The following ZEB1 variants were observed in gnomAD, a reference collection of about 807,000 sequenced individuals.
ZEB1 encodes zinc finger E-box-binding homeobox 1.
ZEB1 carries 21 observed loss-of-function variants against 84.9 expected under a neutral mutation model. That is an observed-to-expected ratio of 0.25 (90% CI 0.18 to 0.36). The LOEUF (loss-of-function observed/expected upper bound fraction) is 0.36. Ranked by LOEUF, ZEB1 falls within the 10% of genes least tolerant of loss-of-function variation. ZEB1 has a pLI of 1.00. For synonymous variants in ZEB1, 420 were observed against 471.1 expected (o/e 0.89, Z 1.41); for missense variants, 1,104 against 1,330.2 (o/e 0.83, Z 2.65).
At position 31,401,385 on chromosome 10, in the gene ZEB1, G is replaced by T. The variant is rs530661212; in HGVS notation, c.59-59652G>T. Among the ~76,000 whole-genome samples the T allele has an allele frequency of 2.9e-4, 44 of 152,318 alleles. 1 individual carries two copies. The highest frequency in any genetic ancestry group is 9.9e-4 in the African/African-American group (41 of 41,574). ...ATGGAATTGTGATCTCCAAGTTAAT[G>T]TGAAGTGGTAGAAGGAGGATTATCT... On this transcript the variant is annotated intron_variant, in intron 1 of 8. Coordinates refer to ENST00000424869, the MANE Select transcript of ZEB1 (RefSeq NM_001174096.2).
chr10:31,445,131 G>A (rs368366130), intron 1 of ZEB1, among the ~76,000 whole-genome samples: 9,705 of 117,380 alleles, frequency 0.083, 1,363 homozygotes, highest in African/African-American at 0.38. Flanking sequence ...GGTCCTTCAC[G>A]TCCCTTGTAA....
intron 1 of ZEB1, among the ~76,000 whole-genome samples, chr10:31,347,544 T>C (rs116207815): frequency 0.016 from 2,506 of 152,178 alleles, 52 homozygotes; most frequent in African/African-American, 0.055. Flanking sequence ...AAAACACTTA[T>C]TTAGCATACA....
At chr10:31,421,014 G>A (rs952672967) in intron 1 of ZEB1, among the ~76,000 whole-genome samples, 2 of 152,096 alleles carry the variant, frequency 1.3e-5, no homozygotes, top group South Asian at 4.1e-4. Flanking sequence ...CTAAGAGCAG[G>A]CACTTTTTTC....
At chr10:31,483,605 G>A (rs919380573) in intron 2 of ZEB1, among the ~76,000 whole-genome samples, 2 of 151,780 alleles carry the variant, frequency 1.3e-5, no homozygotes, top group Non-Finnish European at 2.9e-5. Flanking sequence ...GGTAGAATCC[G>A]GTAATTACTA....
Position 31,520,014 on chromosome 10 carries a change from G to T in ZEB1, c.794-112G>T. The T allele has an allele frequency of 7.4e-7, 1 of 1,358,636 alleles. No homozygotes were observed. 84.2% of individuals were successfully genotyped at this position (1,358,636 alleles called of 1,614,324 possible). On this transcript the variant is annotated intron_variant, in intron 6 of 8. Coordinates refer to ENST00000424869, the MANE Select transcript of ZEB1 (RefSeq NM_001174096.2). This position sits in a 1 kb window ranked among gnomAD's most constrained non-coding sequence, Gnocchi z 5.1. ...CTAAATACAGTTCTGTCACAAGCATGCATGGCAGTCTTCTTTTTAAAATTG... is the reference window on the plus strand; with the variant it reads ...CTAAATACAGTTCTGTCACAAGCATTCATGGCAGTCTTCTTTTTAAAATTG...
At chr10:31,340,605 C>G (rs2039172193) in intron 1 of ZEB1, among the ~76,000 whole-genome samples, 1 of 152,184 alleles carries the variant, frequency 6.6e-6, no homozygotes, top group African/African-American at 2.4e-5. Flanking sequence ...GTTCTAGGCA[C>G]TGTGCCAAGT....
At chr10:31,490,652 A>T (rs1211293021) in intron 2 of ZEB1, among the ~76,000 whole-genome samples, 1 of 151,658 alleles carries the variant, frequency 6.6e-6, no homozygotes, top group African/African-American at 2.4e-5. Flanking sequence ...TAGTTTAATA[A>T]TTCTAACATC....
chr10:31,360,821 A>T lies in ZEB1; in HGVS notation c.58+41529A>T, dbSNP rs532487501. ...GAAATCATATATACACTTAAAGTAAAATCTCACAGAGTTCTCAAGGCCATT... is the reference window on the plus strand; with the variant it reads ...GAAATCATATATACACTTAAAGTAATATCTCACAGAGTTCTCAAGGCCATT... On this transcript the variant is annotated intron_variant, in intron 1 of 8. Coordinates refer to ENST00000424869, the MANE Select transcript of ZEB1 (RefSeq NM_001174096.2). The T allele has an allele frequency of 6.2e-5, 43 of 697,874 alleles. 1 individual carries two copies. In the Admixed American group the frequency reaches 9.4e-4, roughly 15 times the overall value. The allele number at this position is 697,874 out of a possible 1,614,324, so 43.2% of individuals were successfully genotyped here.
At chr10:31,337,810 C>G (rs1388958559) in intron 1 of ZEB1, among the ~76,000 whole-genome samples, 1 of 151,286 alleles carries the variant, frequency 6.6e-6, no homozygotes, top group Non-Finnish European at 1.5e-5. Context: ...TCAGCCTCCC[C>G]AGTAGCTGGG....
intron 1 of ZEB1, among the ~76,000 whole-genome samples, chr10:31,372,084 A>G (rs1169640964): frequency 6.6e-6 from 1 of 152,112 alleles, no homozygotes; most frequent in African/African-American, 2.4e-5. Context: ...TAATGTTTAT[A>G]ACTCATCTGA....
At chr10:31,509,909 A>C (rs1434905922) in intron 4 of ZEB1, among the ~76,000 whole-genome samples, 2 of 152,230 alleles carry the variant, frequency 1.3e-5, no homozygotes, top group African/African-American at 4.8e-5. Context: ...AAGTTCATTC[A>C]GTAAACTAAT....
chr10:31,487,412 A>G (rs2065891268), intron 2 of ZEB1, among the ~76,000 whole-genome samples: 2 of 151,384 alleles, frequency 1.3e-5, no homozygotes, highest in African/African-American at 4.8e-5. Flanking sequence ...ACATTTATTT[A>G]GGTTTTCTTT....
chr10:31,499,997 T>A (rs1565131525), intron 3 of ZEB1, among the ~76,000 whole-genome samples: 1 of 152,048 alleles, frequency 6.6e-6, no homozygotes, highest in African/African-American at 2.4e-5. Context: ...ATCATGCAGT[T>A]CTGAAAAGTG....
rs1302635455 is a variant in ZEB1 at position 31,527,050 on chromosome 10, A to G, written c.3164A>G (p.Lys1055Arg). 6.3e-7 allele frequency: 1 copy of G among 1,585,028 alleles called. No individual in the cohort carries two copies. Among genetic ancestry groups the G allele is most frequent in the African/African-American group, 1.4e-5 (1 of 73,950 alleles). The change falls in exon 9 of 9, where the codon AAA becomes AGA. Residue 1055 changes from lysine (K) to arginine (R), a missense_variant. By Grantham distance (26) the Lys-to-Arg change is conservative (BLOSUM62 2). This residue lies in a region of ZEB1 where 173 missense variants were observed against 167.0 expected (regional missense o/e 1.04). Transcript: ENST00000424869. The part of the protein sequence containing the change: ...DKEMEELQEE[K>R]ECEKPQGDEE... ...GAGATGGAAGAATTGCAGGAAGAAA[A>G]AGAATGTGAAAAACCACAAGGGGAT... is the stretch of plus-strand genomic sequence containing the variant.
Position 31,510,742 on chromosome 10 carries a change from C to T in ZEB1, c.554C>T (p.Ser185Phe). 6.2e-7 allele frequency: 1 copy of T among 1,613,948 alleles called. No individual in the cohort carries two copies. The highest frequency in any genetic ancestry group is 8.5e-7 in the Non-Finnish European group (1 of 1,179,890). The change falls in exon 5 of 9, where the codon TCT (serine) becomes TTT (phenylalanine). Residue 185 changes from serine to phenylalanine, a missense_variant. By Grantham distance (155) the Ser-to-Phe change is radical (BLOSUM62 -2). Transcript: ENST00000424869. ...GATAGAGGCTATAAACGCTTTACCT[C>T]TCTGAAAGAACACATTAAATATCGT... is the stretch of plus-strand genomic sequence containing the variant. Reference protein sequence around the residue: ...YCDRGYKRFTSLKEHIKYRHE... With the variant: ...YCDRGYKRFTFLKEHIKYRHE...
intron 1 of ZEB1, among the ~76,000 whole-genome samples, chr10:31,422,240 G>A (rs1032737018): frequency 2.6e-5 from 4 of 152,118 alleles, no homozygotes; most frequent in African/African-American, 7.2e-5. Flanking sequence ...CATAGGGTAC[G>A]GTAGTAGCAG....
At chr10:31,341,412 G>A (rs967943256) in intron 1 of ZEB1, among the ~76,000 whole-genome samples, 1 of 152,116 alleles carries the variant, frequency 6.6e-6, no homozygotes, top group Non-Finnish European at 1.5e-5. Flanking sequence ...TTCTAGCTGA[G>A]GTGATTCCAG....
intron 2 of ZEB1, among the ~76,000 whole-genome samples, chr10:31,475,139 A>T (rs1296903548): frequency 6.6e-6 from 1 of 152,098 alleles, no homozygotes; most frequent in African/African-American, 2.4e-5. Context: ...GCAGTGCACC[A>T]GCGTGGCACA....
At chr10:31,323,662 T>C (rs2034705054) in intron 1 of ZEB1, among the ~76,000 whole-genome samples, 1 of 152,106 alleles carries the variant, frequency 6.6e-6, no homozygotes, top group Admixed American at 6.5e-5. Flanking sequence ...TGCTTGTATT[T>C]AAATAATTCC....
Sources: allele counts gnomAD v4.1 joint callset (sites outside exome capture counted in the v4.1 genomes callset), GRCh38; gene constraint gnomAD v4.1.1; regional missense constraint gnomAD v4.1.1; non-coding constraint Gnocchi (gnomAD v3.1); transcripts MANE v1.5; gene names NCBI Gene and HGNC (gene_info 2026-07-23, HGNC 2026-07-21).